The following SANBR variants were observed in gnomAD, a reference collection of about 807,000 sequenced individuals.
SANBR encodes SANT and BTB domain regulator of CSR, also known as SANT and BTB domain regulator of class switch recombination.
In SANBR, 77 loss-of-function variants were observed where a neutral mutation model predicts 101.8. The ratio of observed to expected loss-of-function variants is 0.76; its 90% CI spans 0.63 to 0.91. The LOEUF is 0.91. Among genes scored for constraint, SANBR ranks in the 40% least tolerant of loss-of-function variants. The probability of loss-of-function intolerance (pLI) is 0.00; values close to 1 mark genes in which losing one functional copy is unlikely to be tolerated. For synonymous variants in SANBR, 279 were observed against 274.7 expected (o/e 1.02, Z -0.15); for missense variants, 875 against 853.0 (o/e 1.03, Z -0.32).
chr2:61,133,774 G>A (rs977324252), intron 20 of SANBR, among the ~76,000 whole-genome samples: 3 of 152,154 alleles, frequency 2.0e-5, no homozygotes, highest in African/African-American at 7.2e-5. Flanking sequence ...GCTTAGGGAA[G>A]GAGAGAGAAG....
At chr2:61,102,145 G>C (rs577914978) in intron 12 of SANBR, among the ~76,000 whole-genome samples, 1 of 151,632 alleles carries the variant, frequency 6.6e-6, no homozygotes, top group Non-Finnish European at 1.5e-5. Flanking sequence ...AGGCCGAGGC[G>C]GTCAGATCAT....
rs1681215711 is a variant in SANBR at position 61,067,100 on chromosome 2, A to T, written c.-147+1073A>T. Among the ~76,000 whole-genome samples the T allele has an allele frequency of 1.3e-5, 2 of 152,244 alleles. 1 individual carries two copies. The highest frequency in any genetic ancestry group is 3.8e-4 in the East Asian group (2 of 5,202). ...ATTTATGTTTTATTAAGGATTATCC[A>T]TCAATGCTATGCCTTTTATACTTAA... On this transcript the variant is annotated intron_variant, in intron 1 of 21. Transcript: ENST00000402291.
chr2:61,131,578 G>A (rs1329244889), intron 20 of SANBR, among the ~76,000 whole-genome samples: 17 of 152,120 alleles, frequency 1.1e-4, no homozygotes, highest in Admixed American at 1.1e-3. Context: ...TGGATCATAA[G>A]ACTTAATGTT....
intron 21 of SANBR, among the ~76,000 whole-genome samples, chr2:61,135,191 T>G (rs1684807912): frequency 6.6e-6 from 1 of 152,228 alleles, no homozygotes; most frequent in Non-Finnish European, 1.5e-5. Flanking sequence ...TCATGGCACT[T>G]TTATGTGTCT....
At chr2:61,117,003 G>A in intron 17 of SANBR, 1 of 276,014 alleles carries the variant, frequency 3.6e-6, no homozygotes. Context: ...GCTGCAGTGA[G>A]CTATAATCAT....
chr2:61,128,803 A>G (rs977887326), downstream of SANBR, among the ~76,000 whole-genome samples: 2 of 151,952 alleles, frequency 1.3e-5, no homozygotes, highest in African/African-American at 4.8e-5. Flanking sequence ...CTTACAAATA[A>G]ATTTTTTAAA....
intron 14 of SANBR, 108 bp from the exon 15 acceptor site, chr2:61,108,209 G>C: frequency 5.1e-6 from 3 of 586,476 alleles, no homozygotes; most frequent in Non-Finnish European, 8.8e-6. Context: ...GCCTGGAAGG[G>C]AACTATATTT....
intron 1 of SANBR, among the ~76,000 whole-genome samples, chr2:61,067,969 A>G (rs1380526876): frequency 6.6e-6 from 1 of 152,220 alleles, no homozygotes; most frequent in African/African-American, 2.4e-5. Context: ...TGAGTTGTGG[A>G]CCTGCAGTTT....
In SANBR at chr2:61,122,910, G is replaced by A. The variant is rs954135911; in HGVS notation, c.*748G>A. 5.7e-5 allele frequency: 56 copies of A among 985,234 alleles called. No individual in the cohort carries two copies. Among genetic ancestry groups the A allele is most frequent in the Non-Finnish European group, 6.4e-5 (53 of 829,828 alleles). The allele number at this position is 985,234 out of a possible 1,614,324, so 61.0% of individuals were successfully genotyped here. On this transcript the variant is annotated 3_prime_UTR_variant, in exon 22 of 22. Transcript: ENST00000402291. ...AATAACCATTGATAGTTTTAGGATA[G>A]TAAATCATTTCTGTTATATGAGACA...
chr2:61,117,541 G>A lies in SANBR; in HGVS notation c.1939+1G>A. ...AACCAGGATGCACAAAGAGAAGACG[G>A]TAAATTTTATTATTTGGGTAATGTA... is the stretch of plus-strand genomic sequence containing the variant. On this transcript the variant is annotated splice_donor_variant, in intron 19 of 21. Coordinates refer to ENST00000402291, the MANE Select transcript of SANBR (RefSeq NM_001129993.3). LOFTEE classifies it high-confidence loss of function. 1.6e-5 allele frequency: 26 copies of A among 1,610,508 alleles called. No individual in the cohort carries two copies. The highest frequency in any genetic ancestry group is 2.2e-5 in the Non-Finnish European group (26 of 1,177,052).
At chr2:61,094,311 C>G (rs1559107129) in intron 11 of SANBR, among the ~76,000 whole-genome samples, 1 of 152,216 alleles carries the variant, frequency 6.6e-6, no homozygotes, top group Admixed American at 6.5e-5. Context: ...CTGGTAACCA[C>G]TGGTCTGTTT....
chr2:61,076,870 C>A, intron 5 of SANBR, 50 bp from the exon 6 acceptor site: 2 of 1,334,984 alleles, frequency 1.5e-6, no homozygotes, highest in Non-Finnish European at 2.1e-6. Context: ...ATTCTTGACT[C>A]CTTTTCTAAA....
chr2:61,066,378 G>C (rs1681162585), intron 1 of SANBR: 1 of 152,608 alleles, frequency 6.6e-6, no homozygotes, highest in East Asian at 1.9e-4. Flanking sequence ...TGGAGTTTCT[G>C]TGCCTCCACG....
intron 13 of SANBR, among the ~76,000 whole-genome samples, chr2:61,105,320 T>G (rs866094584): frequency 6.6e-6 from 1 of 151,596 alleles, no homozygotes; most frequent in Non-Finnish European, 1.5e-5. Flanking sequence ...GAGCTGAGAT[T>G]GTGCCACTGC....
At chr2:61,112,582 C>T (rs1033060461) in intron 16 of SANBR, among the ~76,000 whole-genome samples, 1 of 152,066 alleles carries the variant, frequency 6.6e-6, no homozygotes, top group Non-Finnish European at 1.5e-5. Context: ...CAACCTCTGC[C>T]TCCTGGGTTC....
chr2:61,127,494 C>T (rs1684547774), downstream of SANBR, among the ~76,000 whole-genome samples: 2 of 152,134 alleles, frequency 1.3e-5, no homozygotes, highest in South Asian at 4.2e-4. Context: ...ACCTGATGGC[C>T]ACCCTTTTAT....
intron 6 of SANBR, among the ~76,000 whole-genome samples, chr2:61,079,490 T>C (rs1681975747): frequency 6.6e-6 from 1 of 152,214 alleles, no homozygotes; most frequent in Non-Finnish European, 1.5e-5. Context: ...ATTTATTGTA[T>C]TCTTTAGTGA....
intron 13 of SANBR, among the ~76,000 whole-genome samples, 159 bp downstream of exon 13, chr2:61,104,157 C>G (rs1022934214): frequency 6.6e-6 from 1 of 152,084 alleles, no homozygotes; most frequent in Non-Finnish European, 1.5e-5. Context: ...TAAGAGCAGA[C>G]AGATATTTAT....
chr2:61,110,922 G>A (rs1683801201), intron 16 of SANBR, among the ~76,000 whole-genome samples: 5 of 151,830 alleles, frequency 3.3e-5, no homozygotes, highest in African/African-American at 4.8e-5. Context: ...TAGTGAACCC[G>A]TAACTCTTAG....
Sources: allele counts gnomAD v4.1 joint callset (sites outside exome capture counted in the v4.1 genomes callset), GRCh38; gene constraint gnomAD v4.1.1; transcripts MANE v1.5; gene names NCBI Gene and HGNC (gene_info 2026-07-23, HGNC 2026-07-21).